ARAP1: variants seen among roughly 807,000 people sequenced by gnomAD.
ARAP1 encodes ArfGAP with RhoGAP domain, ankyrin repeat and PH domain 1.
In ARAP1, 76 loss-of-function variants were observed where a neutral mutation model predicts 172.2. The ratio of observed to expected loss-of-function variants is 0.44; its 90% CI spans 0.37 to 0.53. The LOEUF is 0.53. Among genes scored for constraint, ARAP1 ranks in the 20% least tolerant of loss-of-function variants. The pLI, the probability that ARAP1 is intolerant of heterozygous loss-of-function variation, is 0.00. For synonymous variants in ARAP1, 804 were observed against 803.3 expected, an observed-to-expected ratio of 1.00 and a Z score of -0.01; for missense variants, 1,686 against 1,977.5, an observed-to-expected ratio of 0.85 and a Z score of 2.80.
intron 16 of ARAP1, among the ~76,000 whole-genome samples, chr11:72,701,239 A>G (rs1296084475): frequency 2.1e-5 from 3 of 145,014 alleles, no homozygotes; most frequent in African/African-American, 2.5e-5. Context: ...TCAGAGAGGT[A>G]ATGGGGGTGG....
rs137924891 is a variant in ARAP1, at chr11:72,720,486, G to A, written c.509+6134C>T. ...GCTTCTCTCAACTTCTGCACAAGCC[G>A]GGAGCCCCTAGGGCCAGTCCTCTCC... is the stretch of plus-strand genomic sequence containing the variant. On this transcript the variant is annotated intron_variant, in intron 3 of 34. Transcript: ENST00000393609. Among the ~76,000 whole-genome samples, 322 of 152,264 alleles carry A rather than the reference G, an allele frequency of 2.1e-3. 1 individual carries two copies. Among genetic ancestry groups the A allele is most frequent in the South Asian group, 8.3e-3 (40 of 4,818 alleles).
chr11:72,710,347 G>A lies in ARAP1; in HGVS notation c.1416+38C>T. 1 of 1,609,176 alleles carries A rather than the reference G, an allele frequency of 6.2e-7. No individual in the cohort carries two copies. Among genetic ancestry groups the A allele is most frequent in the Non-Finnish European group, 8.5e-7 (1 of 1,176,222 alleles). On this transcript the variant is annotated intron_variant, in intron 10 of 34. Coordinates refer to ENST00000393609, the MANE Select transcript of ARAP1 (RefSeq NM_001040118.3). The surrounding 1 kb of genome is among the most constrained non-coding windows in gnomAD (Gnocchi z 4.3). ...AGGTCAGCCTGGGGCAGGGTAGGTG[G>A]ACATGGGCAGGGGAGAGGTTCCATG... is the stretch of plus-strand genomic sequence containing the variant.
At chr11:72,723,968 G>A (rs559071898) in intron 3 of ARAP1, among the ~76,000 whole-genome samples, 2 of 152,222 alleles carry the variant, frequency 1.3e-5, no homozygotes, top group East Asian at 3.9e-4. Flanking sequence ...CAAACAGCAC[G>A]TGCACACTCG....
At chr11:72,687,205 G>T in intron 33 of ARAP1, 1 of 580,052 alleles carries the variant, frequency 1.7e-6, no homozygotes, top group South Asian at 2.0e-5. Flanking sequence ...CACATGAGGG[G>T]TGCCCCAAGG....
chr11:72,687,849 A>G (rs1310591930), intron 31 of ARAP1, 111 bp from the exon 32 acceptor site: 1 of 1,314,574 alleles, frequency 7.6e-7, no homozygotes, highest in Non-Finnish European at 1.1e-6. Flanking sequence ...GCCAGAGTTC[A>G]GAGCCTTCTC....
At chr11:72,688,582 G>A (rs1216738984) in intron 30 of ARAP1, 45 bp from the exon 31 acceptor site, 2 of 1,536,020 alleles carry the variant, frequency 1.3e-6, no homozygotes, top group African/African-American at 1.4e-5. Context: ...CTGCAGAAAG[G>A]GCACTGGGGC....
rs908251532 is a variant in ARAP1 at position 72,710,051 on chromosome 11, G to A, written c.1417-75C>T. Reference sequence around the variant, plus strand: ...TGAGGCTTGGGACAGGGAGAGGAAGGGAAGGTGGTGCAACTCAGGGACTGG... The same window carrying A: ...TGAGGCTTGGGACAGGGAGAGGAAGAGAAGGTGGTGCAACTCAGGGACTGG... On this transcript the variant is annotated intron_variant, in intron 10 of 34. Transcript: ENST00000393609. The surrounding 1 kb of genome is among the most constrained non-coding windows in gnomAD (Gnocchi z 4.3). 2.8e-4 allele frequency: 379 copies of A among 1,354,842 alleles called. No homozygotes were observed. The highest frequency in any genetic ancestry group is 2.0e-4 in the Admixed American group (12 of 58,628). 83.9% of individuals were successfully genotyped at this position (1,354,842 alleles called of 1,614,324 possible).
chr11:72,723,715 G>GT (rs908832325), intron 3 of ARAP1, among the ~76,000 whole-genome samples: 4 of 152,162 alleles, frequency 2.6e-5, no homozygotes, highest in African/African-American at 9.7e-5. Context: ...GCACGTGCCA[G>GT]TACACAAGCT....
chr11:72,745,956 C>T (rs1858353434), intron 1 of ARAP1, among the ~76,000 whole-genome samples: 1 of 152,132 alleles, frequency 6.6e-6, no homozygotes, highest in South Asian at 2.1e-4. Context: ...TCAGTCAAGC[C>T]CAGCCTTCTA....
rs779445455 is a variant in ARAP1 at position 72,686,146 on chromosome 11, C to T, written c.4231G>A (p.Ala1411Thr). 1 of 1,613,900 alleles carries T rather than the reference C, an allele frequency of 6.2e-7. No homozygotes were observed. Among genetic ancestry groups the T allele is most frequent in the African/African-American group, 1.3e-5 (1 of 74,944 alleles). ...WPSEPSRVSR[A>T]VPEVRLGSVS... ...CTACCCAGCCGGACCTCAGGCACTGCCCGGGACACGCGTGAGGGCTCTGAG... is the reference window on the plus strand; with the variant it reads ...CTACCCAGCCGGACCTCAGGCACTGTCCGGGACACGCGTGAGGGCTCTGAG... The change falls in exon 34 of 35, where the codon GCA becomes ACA. Residue 1411 changes from alanine (A) to threonine (T), a missense_variant. By Grantham distance (58) the Ala-to-Thr change is moderately conservative (BLOSUM62 0). This residue lies in a region of ARAP1 where 379 missense variants were observed against 500.1 expected (regional missense o/e 0.76). Transcript: ENST00000393609.
intron 14 of ARAP1, 138 bp from the exon 15 acceptor site, chr11:72,703,217 T>A: frequency 1.2e-6 from 1 of 850,100 alleles, no homozygotes; most frequent in Non-Finnish European, 1.7e-6. Context: ...AAAGAGAGAA[T>A]AGGAAGGAAG....
intron 3 of ARAP1, among the ~76,000 whole-genome samples, chr11:72,717,253 A>G (rs577462076): frequency 5.3e-5 from 8 of 152,302 alleles, no homozygotes; most frequent in African/African-American, 7.2e-5. Context: ...CCAGAGCCCA[A>G]GAGGAAGGCG....
At chr11:72,749,038 GACTCT>G (rs2135598181) in intron 1 of ARAP1, among the ~76,000 whole-genome samples, 1 of 152,282 alleles carries the variant, frequency 6.6e-6, no homozygotes, top group Admixed American at 6.5e-5. Context: ...GGAGGGTGCT[GACTCT>G]AACCTGCCCA....
chr11:72,685,765 G>C lies in ARAP1; in HGVS notation c.4336-84C>G, dbSNP rs747706673. ...CGCTGAAGCTGCTGCAGCTGCTGCA[G>C]CCACTCTCCACTGCCAGCCGGGGAG... is the stretch of plus-strand genomic sequence containing the variant. On this transcript the variant is annotated intron_variant, in intron 34 of 34. Coordinates refer to ENST00000393609, the MANE Select transcript of ARAP1 (RefSeq NM_001040118.3). 4.5e-6 allele frequency: 7 copies of C among 1,570,896 alleles called. No individual in the cohort carries two copies. In the East Asian group the frequency reaches 1.6e-4, roughly 35 times the overall value.
chr11:72,690,302 C>T (rs896907838), intron 30 of ARAP1, among the ~76,000 whole-genome samples: 4 of 152,130 alleles, frequency 2.6e-5, no homozygotes, highest in Non-Finnish European at 4.4e-5. Flanking sequence ...CTCAGGCCTC[C>T]GATTCCTTGG....
chr11:72,694,381 A>T (rs1591176402), intron 27 of ARAP1, among the ~76,000 whole-genome samples: 1 of 150,826 alleles, frequency 6.6e-6, no homozygotes, highest in African/African-American at 2.4e-5. Context: ...AGCCCCACCC[A>T]TGTCACCACC....
At position 72,697,182 on chromosome 11, in the gene ARAP1, C is replaced by T. The variant is rs1433147946; in HGVS notation, c.2967G>A (p.Glu989=). 3 of 1,602,354 alleles carry T rather than the reference C, an allele frequency of 1.9e-6. No individual in the cohort carries two copies. The East Asian group carries it at 6.7e-5, about 36-fold the overall frequency. Reference sequence around the variant, plus strand: ...TCTGCCCACACTTGCGGTAGATGCCCTCGGAGGTCAGGCCTAGGGAGGGGC... The same window carrying T: ...TCTGCCCACACTTGCGGTAGATGCCTTCGGAGGTCAGGCCTAGGGAGGGGC... ...DYITQCGLTS[E]GIYRKCGQTS... is the part of the protein sequence containing the mutation. The change falls in exon 22 of 35, where the codon GAG becomes GAA. Residue 989 remains glutamate, a synonymous_variant. Transcript: ENST00000393609.
intron 2 of ARAP1, among the ~76,000 whole-genome samples, chr11:72,729,480 C>A (rs988004709): frequency 6.6e-6 from 1 of 152,022 alleles, no homozygotes; most frequent in Non-Finnish European, 1.5e-5. Context: ...GTAATCTCAG[C>A]TACTCAGGAG....
In ARAP1 at chr11:72,685,144, C is replaced by T. The variant is rs1042272437; in HGVS notation, c.*520G>A. The T allele has an allele frequency of 1.9e-5, 3 of 157,124 alleles. No homozygotes were observed. Among genetic ancestry groups the T allele is most frequent in the Admixed American group, 6.2e-5 (1 of 16,200 alleles). 9.7% of individuals were successfully genotyped at this position (157,124 alleles called of 1,614,324 possible). A position where few individuals can be genotyped will look rare whatever the true frequency, so the allele number is the denominator to read the frequency against. On this transcript the variant is annotated 3_prime_UTR_variant, in exon 35 of 35. Coordinates refer to ENST00000393609, the MANE Select transcript of ARAP1 (RefSeq NM_001040118.3). ...GGGAAGGGGCATCAGGTAGTCTGGA[C>T]CCCCCACTCAGCCCAGACTGGAAGG...
Sources: gnomAD v4.1 joint callset for allele counts (sites outside exome capture counted in the v4.1 genomes callset) on GRCh38, gnomAD v4.1.1 for gene constraint, gnomAD v4.1.1 regional missense constraint, Gnocchi (gnomAD v3.1) non-coding constraint, MANE v1.5 for transcripts, NCBI Gene and HGNC (gene_info 2026-07-23, HGNC 2026-07-21) for gene names.